SAFB: variants seen among roughly 807,000 people sequenced by gnomAD.
SAFB encodes scaffold attachment factor B.
SAFB carries 15 observed loss-of-function variants against 101.6 expected under a neutral mutation model. That is an observed-to-expected ratio of 0.15 (90% confidence interval 0.10 to 0.23). The LOEUF (loss-of-function observed/expected upper bound fraction) is 0.23. Among genes scored for constraint, SAFB ranks in the 10% least tolerant of loss-of-function variants. The pLI, the probability that SAFB is intolerant of heterozygous loss-of-function variation, is 1.00. For synonymous variants in SAFB, 449 were observed against 407.5 expected (o/e 1.10, Z -1.23); for missense variants, 930 against 1,104.1 (o/e 0.84, Z 2.23).
chr19:5,624,631 C>T (rs547861477), intron 1 of SAFB, among the ~76,000 whole-genome samples: 15 of 151,970 alleles, frequency 9.9e-5, no homozygotes, highest in African/African-American at 3.6e-4. Context: ...ATCCTGACTC[C>T]GGAACTACGG....
In SAFB at chr19:5,659,625, C is replaced by A. The variant is rs138537347; in HGVS notation, c.1863-1893C>A. Among the ~76,000 whole-genome samples the A allele has an allele frequency of 1.6e-4, 25 of 152,136 alleles. No individual in the cohort carries two copies. The East Asian group carries it at 3.7e-3, about 22-fold the overall frequency. ...CTCGATCTCCTGACCTCGTGATCCA[C>A]CCGCATCGGCCTCCCAAAGTGCTGG... On this transcript the variant is annotated intron_variant, in intron 14 of 20. Coordinates refer to ENST00000588852, the MANE Select transcript of SAFB (RefSeq NM_001201338.2).
intron 1 of SAFB, among the ~76,000 whole-genome samples, chr19:5,625,855 G>A (rs55931425): frequency 0.038 from 5,788 of 152,272 alleles, 398 homozygotes; most frequent in African/African-American, 0.13. Flanking sequence ...CATGCATGTC[G>A]TGACGGGTCT....
chr19:5,643,234 G>A (rs1279572769), intron 4 of SAFB, among the ~76,000 whole-genome samples: 1 of 152,110 alleles, frequency 6.6e-6, no homozygotes, highest in Admixed American at 6.6e-5. Flanking sequence ...AAGCTGTGGG[G>A]CCCTTTCTGT....
chr19:5,641,534 T>C (rs975637923), intron 2 of SAFB, 60 bp from the exon 3 acceptor site: 7 of 1,381,636 alleles, frequency 5.1e-6, no homozygotes, highest in African/African-American at 2.9e-5. Context: ...GCTCAGGGCA[T>C]TGTTGCTTCT....
intron 12 of SAFB, 51 bp from the exon 13 acceptor site, chr19:5,654,317 C>T: frequency 6.3e-7 from 1 of 1,589,226 alleles, no homozygotes; most frequent in Non-Finnish European, 8.6e-7. Context: ...GGGTTTTTCT[C>T]ATCTGGGTAT....
chr19:5,630,972 A>G, intron 2 of SAFB, among the ~76,000 whole-genome samples: 1 of 151,984 alleles, frequency 6.6e-6, no homozygotes, highest in Non-Finnish European at 1.5e-5. Context: ...CGGGCAGATC[A>G]CCTGAGGTCA....
At chr19:5,634,676 A>T (rs974561724) in intron 2 of SAFB, among the ~76,000 whole-genome samples, 2 of 152,108 alleles carry the variant, frequency 1.3e-5, no homozygotes, top group African/African-American at 4.8e-5. Flanking sequence ...CAAATCAGTA[A>T]GGAAAACAGG....
At chr19:5,668,010 C>A in intron 20 of SAFB, 124 bp downstream of exon 20, 1 of 1,415,352 alleles carries the variant, frequency 7.1e-7, no homozygotes, top group South Asian at 1.3e-5. Flanking sequence ...TGAGGCCAGG[C>A]ATGGGGTACT....
chr19:5,665,252 G>A (rs1338928376), intron 17 of SAFB: 1 of 152,126 alleles, frequency 6.6e-6, no homozygotes, highest in Non-Finnish European at 1.5e-5. Flanking sequence ...TGCTCCTGGA[G>A]GCAAATTATA....
intron 15 of SAFB, among the ~76,000 whole-genome samples, chr19:5,663,178 A>C (rs2054253993): frequency 6.7e-6 from 1 of 148,156 alleles, no homozygotes; most frequent in East Asian, 2.1e-4. Flanking sequence ...AATTTTTTGC[A>C]TTTTTAGTAG....
intron 1 of SAFB, 120 bp from the exon 2 acceptor site, chr19:5,626,285 G>C: frequency 3.0e-6 from 2 of 660,758 alleles, no homozygotes; most frequent in Non-Finnish European, 5.5e-6. Context: ...GGTCCTGGGT[G>C]GTGAGGGCGG....
intron 2 of SAFB, among the ~76,000 whole-genome samples, chr19:5,636,987 G>A (rs996647089): frequency 5.9e-5 from 9 of 151,558 alleles, no homozygotes; most frequent in African/African-American, 2.2e-4. Flanking sequence ...GGGATTATAG[G>A]TGTGAGCCAC....
rs773904938 is a variant in SAFB, at chr19:5,645,342, G to A, written c.552G>A (p.Glu184=). Residue 184 remains glutamate (E), a synonymous_variant, in exon 5 of 21, where the codon GAG becomes GAA. Transcript: ENST00000588852. ...TTTCTCCATTTATTTTACAGATAGA[G>A]GACAAAGAAACTATAAACAATTTAG... ...LPEQLQEHAI[E]DKETINNLDT... is the part of the protein sequence containing the mutation. 1.9e-5 allele frequency: 24 copies of A among 1,259,572 alleles called. No homozygotes were observed. The East Asian group carries it at 5.3e-4, about 28-fold the overall frequency. 78.0% of individuals were successfully genotyped at this position (1,259,572 alleles called of 1,614,324 possible).
intron 14 of SAFB, among the ~76,000 whole-genome samples, chr19:5,660,008 T>C (rs555182252): frequency 6.6e-6 from 1 of 152,268 alleles, no homozygotes; most frequent in East Asian, 1.9e-4. Context: ...CAGAGGCAGG[T>C]GTGGGCGGAT....
intron 9 of SAFB, among the ~76,000 whole-genome samples, chr19:5,652,715 A>G (rs2053966426): frequency 6.6e-6 from 1 of 152,104 alleles, no homozygotes; most frequent in Admixed American, 6.5e-5. Flanking sequence ...TCCTTGCATC[A>G]GTCTGTGCCG....
intron 5 of SAFB, among the ~76,000 whole-genome samples, chr19:5,646,198 C>A (rs1227196886): frequency 6.6e-6 from 1 of 151,980 alleles, no homozygotes. Flanking sequence ...TTCCCGTCTT[C>A]TTTTTAAATG....
chr19:5,656,523 G>A (rs1047767466), intron 13 of SAFB, among the ~76,000 whole-genome samples: 12 of 150,446 alleles, frequency 8.0e-5, no homozygotes, highest in Admixed American at 6.6e-5. Flanking sequence ...TGATCCACCC[G>A]TCCCGGCCTC....
intron 2 of SAFB, among the ~76,000 whole-genome samples, chr19:5,630,721 A>G (rs1264708720): frequency 2.0e-5 from 3 of 151,302 alleles, no homozygotes; most frequent in Non-Finnish European, 4.4e-5. Flanking sequence ...ACGCCACTGC[A>G]CTCCAGCCTG....
chr19:5,624,010 A>T (rs1214799518), intron 1 of SAFB: 1 of 152,308 alleles, frequency 6.6e-6, no homozygotes, highest in Non-Finnish European at 1.5e-5. Context: ...GGCAGGAAGG[A>T]AAAGTGGTGT....
Sources: gnomAD v4.1 joint callset for allele counts (sites outside exome capture counted in the v4.1 genomes callset) on GRCh38, gnomAD v4.1.1 for gene constraint, MANE v1.5 for transcripts, NCBI Gene and HGNC (gene_info 2026-07-23, HGNC 2026-07-21) for gene names.